The following PDE4D variants were observed in gnomAD, a reference collection of about 807,000 sequenced individuals.
The protein encoded by PDE4D is 3',5'-cyclic-AMP phosphodiesterase 4D.
In PDE4D, 24 loss-of-function variants were observed where a neutral mutation model predicts 87.4. That is an observed-to-expected ratio of 0.27 (90% confidence interval 0.20 to 0.39). PDE4D has a LOEUF of 0.39. Among genes scored for constraint, PDE4D ranks in the 10% least tolerant of loss-of-function variants. The pLI, the probability that PDE4D is intolerant of heterozygous loss-of-function variation, is 1.00. For synonymous variants in PDE4D, 384 were observed against 383.2 expected (o/e 1.00, Z -0.02); for missense variants, 714 against 1,041.0 (o/e 0.69, Z 4.32).
At chr5:60,207,187 G>T (rs1203307594) in intron 1 of PDE4D, among the ~76,000 whole-genome samples, 1 of 152,174 alleles carries the variant, frequency 6.6e-6, no homozygotes, top group Non-Finnish European at 1.5e-5. Flanking sequence ...CGCAGGAGGG[G>T]TGGCTAATAA....
At chr5:60,287,445 G>A (rs1396549240) in intron 1 of PDE4D, among the ~76,000 whole-genome samples, 1 of 152,192 alleles carries the variant, frequency 6.6e-6, no homozygotes, top group Non-Finnish European at 1.5e-5. Flanking sequence ...TCTACTGCGG[G>A]AAGGCTCTTC....
At chr5:60,248,412 C>A (rs1208027416) in intron 1 of PDE4D, among the ~76,000 whole-genome samples, 3 of 152,034 alleles carry the variant, frequency 2.0e-5, no homozygotes, top group African/African-American at 7.2e-5. Context: ...CATGGCAAGA[C>A]ATTTGATCTC....
At position 59,809,894 on chromosome 5, in the gene PDE4D, G is replaced by A. The variant is rs571193845; in HGVS notation, c.455+83274C>T. 3.5e-4 allele frequency among the ~76,000 whole-genome samples: 53 copies of A among 152,282 alleles called. 2 individuals are homozygous for A. In the South Asian group the frequency reaches 6.4e-3, roughly 18 times the overall value. ...GGCCCGGGGTCCATCTCTGCCTAGA[G>A]AGCATGTGGGAACCCCTCGATTGCT... is the stretch of plus-strand genomic sequence containing the variant. On this transcript the variant is annotated intron_variant, in intron 1 of 14. Transcript: ENST00000340635.
At chr5:60,045,556 G>T (rs980471278) in intron 2 of PDE4D, among the ~76,000 whole-genome samples, 23 of 152,106 alleles carry the variant, frequency 1.5e-4, no homozygotes, top group Admixed American at 8.5e-4. Context: ...GTAAGGAAGG[G>T]ATCCAGTTTC....
At chr5:59,485,260 G>A (rs907995771) in intron 1 of PDE4D, among the ~76,000 whole-genome samples, 1 of 152,212 alleles carries the variant, frequency 6.6e-6, no homozygotes, top group South Asian at 2.1e-4. Flanking sequence ...ACTATGAAAT[G>A]AATATACAGT....
chr5:59,722,822 C>T (rs565998357), intron 1 of PDE4D, among the ~76,000 whole-genome samples: 1 of 152,224 alleles, frequency 6.6e-6, no homozygotes, highest in South Asian at 2.1e-4. Flanking sequence ...CAGTATACTC[C>T]TATATACCAA....
chr5:60,123,791 C>T (rs1216255480), intron 2 of PDE4D, among the ~76,000 whole-genome samples: 1 of 152,048 alleles, frequency 6.6e-6, no homozygotes, highest in African/African-American at 2.4e-5. Flanking sequence ...CCCATTTGAC[C>T]TTTCTCATTT....
At chr5:60,207,612 T>G (rs954536282) in intron 1 of PDE4D, among the ~76,000 whole-genome samples, 1 of 152,252 alleles carries the variant, frequency 6.6e-6, no homozygotes, top group Non-Finnish European at 1.5e-5. Context: ...ATTTTTACAC[T>G]GTTTTTATAA....
chr5:60,446,644 A>G (rs1243060433), intron 1 of PDE4D, among the ~76,000 whole-genome samples: 1 of 152,188 alleles, frequency 6.6e-6, no homozygotes, highest in Non-Finnish European at 1.5e-5. Context: ...CGTTAGCAGT[A>G]ACAGAAGTAA....
intron 1 of PDE4D, among the ~76,000 whole-genome samples, chr5:59,818,410 A>G (rs1769243384): frequency 6.6e-6 from 1 of 152,202 alleles, no homozygotes; most frequent in East Asian, 1.9e-4. Flanking sequence ...AATAGTAGCT[A>G]TTATTATTGC....
At chr5:60,446,932 G>C (rs702554) in intron 1 of PDE4D, among the ~76,000 whole-genome samples, 3 of 152,032 alleles carry the variant, frequency 2.0e-5, no homozygotes, top group Non-Finnish European at 4.4e-5. Flanking sequence ...AGAGATTTGT[G>C]GGGGGCGCTG....
chr5:59,221,410 C>A (rs1256579930), intron 1 of PDE4D, among the ~76,000 whole-genome samples: 2 of 152,136 alleles, frequency 1.3e-5, no homozygotes, highest in South Asian at 4.1e-4. Flanking sequence ...GGCTGGTGAA[C>A]TGCTTGAGCC....
intron 5 of PDE4D, among the ~76,000 whole-genome samples, chr5:59,158,651 T>C (rs1219471042): frequency 1.3e-5 from 2 of 152,212 alleles, no homozygotes; most frequent in Non-Finnish European, 1.5e-5. Flanking sequence ...CATGCATTTT[T>C]TTATAATAAT....
At chr5:60,291,298 T>C (rs1441343468) in intron 1 of PDE4D, among the ~76,000 whole-genome samples, 1 of 152,202 alleles carries the variant, frequency 6.6e-6, no homozygotes, top group Non-Finnish European at 1.5e-5. Flanking sequence ...GTCAACTATA[T>C]GCTACAGATT....
chr5:59,249,094 T>TA (rs1158373684), intron 1 of PDE4D, among the ~76,000 whole-genome samples: 3 of 152,076 alleles, frequency 2.0e-5, no homozygotes, highest in Non-Finnish European at 4.4e-5. Flanking sequence ...AAGGTTCATC[T>TA]ATCTAATACA....
chr5:58,989,985 T>TA, intron 9 of PDE4D, 66 bp from the exon 10 acceptor site: 27 of 861,250 alleles, frequency 3.1e-5, no homozygotes, highest in Admixed American at 3.4e-5. Flanking sequence ...TAGAGTATGT[T>TA]TAAAAAAAAA....
intron 2 of PDE4D, among the ~76,000 whole-genome samples, chr5:60,146,891 T>C (rs1240466606): frequency 2.0e-5 from 3 of 152,132 alleles, no homozygotes; most frequent in African/African-American, 7.2e-5. Flanking sequence ...TCACTAATCA[T>C]AGGAAAATGC....
chr5:59,618,893 T>C lies in PDE4D; in HGVS notation c.455+274275A>G, dbSNP rs1375923918. On this transcript the variant is annotated intron_variant, in intron 1 of 14. Transcript: ENST00000340635. ...TCTCCTGCCCTCTCACTTTCCGCCATATGATGTCACAACAAGAAAGCCCTC... is the reference window on the plus strand; with the variant it reads ...TCTCCTGCCCTCTCACTTTCCGCCACATGATGTCACAACAAGAAAGCCCTC... Among the ~76,000 whole-genome samples, 4 of 152,268 alleles carry C rather than the reference T, an allele frequency of 2.6e-5. No individual in the cohort carries two copies. In the East Asian group the frequency reaches 7.7e-4, roughly 29 times the overall value.
At chr5:59,196,299 A>G (rs1042804832) in intron 2 of PDE4D, among the ~76,000 whole-genome samples, 1 of 152,208 alleles carries the variant, frequency 6.6e-6, no homozygotes, top group Admixed American at 6.5e-5. Flanking sequence ...CTGCACAGCC[A>G]TACCTGGAAT....
Sources: gnomAD v4.1 joint callset for allele counts (sites outside exome capture counted in the v4.1 genomes callset) on GRCh38, gnomAD v4.1.1 for gene constraint, MANE v1.5 for transcripts, NCBI Gene and HGNC (gene_info 2026-07-23, HGNC 2026-07-21) for gene names.